CAMK2A: variants seen among roughly 807,000 people sequenced by gnomAD.
CAMK2A encodes calcium/calmodulin dependent protein kinase II alpha.
In CAMK2A, 7 loss-of-function variants were observed where a neutral mutation model predicts 79.2. That is an observed-to-expected ratio of 0.09 (90% CI 0.05 to 0.17). CAMK2A has a LOEUF of 0.17. CAMK2A is among the 10% of genes least tolerant of loss of function. CAMK2A has a pLI of 1.00. For synonymous variants in CAMK2A, 242 were observed against 251.7 expected (o/e 0.96, Z 0.36); for missense variants, 214 against 646.4 (o/e 0.33, Z 7.25).
At chr5:150,261,131 C>T (rs1030008277) in intron 3 of CAMK2A, among the ~76,000 whole-genome samples, 2 of 113,052 alleles carry the variant, frequency 1.8e-5, no homozygotes, top group African/African-American at 6.0e-5. Context: ...AGGTTTTCTC[C>T]AGAGCTGACT....
intron 15 of CAMK2A, among the ~76,000 whole-genome samples, chr5:150,235,325 C>T (rs953830316): frequency 4.6e-5 from 7 of 152,222 alleles, no homozygotes; most frequent in Non-Finnish European, 5.9e-5. Context: ...TGGGCCTCTA[C>T]TATGCCCTCA....
At chr5:150,286,757 C>T (rs988148357) in intron 1 of CAMK2A, among the ~76,000 whole-genome samples, 9 of 152,168 alleles carry the variant, frequency 5.9e-5, no homozygotes, top group Non-Finnish European at 1.0e-4. Flanking sequence ...GGGGGAAGCA[C>T]GGTTTGGTCA....
At chr5:150,243,976 C>T (rs964863701) in intron 13 of CAMK2A, among the ~76,000 whole-genome samples, 1 of 152,212 alleles carries the variant, frequency 6.6e-6, no homozygotes, top group African/African-American at 2.4e-5. Flanking sequence ...AGGTGCCTCC[C>T]CAGTCCAGTA....
chr5:150,251,153 T>C (rs1392617459), intron 9 of CAMK2A, among the ~76,000 whole-genome samples: 3 of 152,240 alleles, frequency 2.0e-5, no homozygotes, highest in South Asian at 2.1e-4. Flanking sequence ...GTAAGTCACA[T>C]GACCTCTTGA....
intron 13 of CAMK2A, among the ~76,000 whole-genome samples, chr5:150,242,415 T>C (rs1230369456): frequency 6.6e-6 from 1 of 152,302 alleles, no homozygotes; most frequent in South Asian, 2.1e-4. Flanking sequence ...TAAAGGATAA[T>C]ATAGCTTCAC....
chr5:150,231,084 GGGA>G (rs1754817694), intron 16 of CAMK2A, among the ~76,000 whole-genome samples: 1 of 152,158 alleles, frequency 6.6e-6, no homozygotes, highest in Non-Finnish European at 1.5e-5. Flanking sequence ...GAGGAAGGAT[GGGA>G]GGAGGAGGAG....
At chr5:150,265,157 C>T (rs1756458410) in intron 2 of CAMK2A, 142 bp from the exon 3 acceptor site, 1 of 675,532 alleles carries the variant, frequency 1.5e-6, no homozygotes, top group African/African-American at 1.8e-5. Flanking sequence ...GCCAGGGCCT[C>T]TGAGTTCTCC....
chr5:150,264,526 G>A (rs1413066602), intron 3 of CAMK2A, among the ~76,000 whole-genome samples: 1 of 152,218 alleles, frequency 6.6e-6, no homozygotes. Flanking sequence ...TGTGGGCCAG[G>A]GCCTGAGTTG....
chr5:150,256,783 G>A lies in CAMK2A; in HGVS notation c.321C>T (p.Tyr107=). The A allele has an allele frequency of 6.2e-7, 1 of 1,614,146 alleles. No individual in the cohort carries two copies. The change falls in exon 5 of 19, where the codon TAC becomes TAT. Residue 107 remains tyrosine, a synonymous_variant. Transcript: ENST00000671881. This position sits in a 1 kb window ranked among gnomAD's most constrained non-coding sequence, Gnocchi z 4.6. ...ACACTCACCTGGCATCCGCCTCACT[G>A]TAATACTCCCGGGCCACGATATCTT... ...LFEDIVAREY[Y]SEADASHCIQ...
At chr5:150,258,050 T>C (rs1756136254) in intron 3 of CAMK2A, among the ~76,000 whole-genome samples, 1 of 152,216 alleles carries the variant, frequency 6.6e-6, no homozygotes, top group African/African-American at 2.4e-5. Flanking sequence ...AGGCTTGTTA[T>C]GAGAGTTCCA....
At chr5:150,224,143 C>T (rs1754484259) in intron 17 of CAMK2A, among the ~76,000 whole-genome samples, 1 of 152,308 alleles carries the variant, frequency 6.6e-6, no homozygotes, top group African/African-American at 2.4e-5. Context: ...CCAGATGAAA[C>T]ATGAGGCATC....
At position 150,223,030 on chromosome 5, in the gene CAMK2A, G is replaced by A. The variant is rs912865720; in HGVS notation, c.1425C>T (p.Ile475=). Residue 475 remains isoleucine, a synonymous_variant, in exon 18 of 19, where the codon ATC becomes ATT. Transcript: ENST00000671881. This position sits in a 1 kb window ranked among gnomAD's most constrained non-coding sequence, Gnocchi z 4.1. ...VWHRRDGKWQ[I]VHFHRSGAPS... is the part of the protein sequence containing the mutation. Reference sequence around the variant, plus strand: ...GCGCCCCAGATCTGTGGAAGTGGACGATCTGCCATTTGCCATCCCGGCGGT... The same window carrying A: ...GCGCCCCAGATCTGTGGAAGTGGACAATCTGCCATTTGCCATCCCGGCGGT... 15 of 1,614,246 alleles carry A rather than the reference G, an allele frequency of 9.3e-6. No homozygotes were observed. Among genetic ancestry groups the A allele is most frequent in the Non-Finnish European group, 1.2e-5 (14 of 1,180,050 alleles).
At position 150,245,213 on chromosome 5, in the gene CAMK2A, A is replaced by T; in HGVS notation, c.944-12T>A. 1 of 1,613,074 alleles carries T rather than the reference A, an allele frequency of 6.2e-7. No individual in the cohort carries two copies. The highest frequency in any genetic ancestry group is 8.5e-7 in the Non-Finnish European group (1 of 1,179,504). On this transcript the variant is annotated splice_polypyrimidine_tract_variant and intron_variant, in intron 12 of 18. Transcript: ENST00000671881. The stretch of plus-strand genomic sequence containing the variant: ...CCCACTCTTCCCTCCTGTGGAGGAG[A>T]AAAAGTAGAGGGTTAACAACGCCAG...
intron 15 of CAMK2A, 50 bp from the exon 16 acceptor site, chr5:150,231,430 A>C (rs1233362654): frequency 5.7e-6 from 4 of 695,656 alleles, no homozygotes; most frequent in Non-Finnish European, 8.5e-6. Flanking sequence ...AATAATAATA[A>C]TAATAATAAT....
Position 150,223,390 on chromosome 5 carries a change from C to T in CAMK2A, c.1238-173G>A, listed in dbSNP as rs1241396270. Among the ~76,000 whole-genome samples, 1 of 152,196 alleles carries T rather than the reference C, an allele frequency of 6.6e-6. No individual in the cohort carries two copies. The highest frequency in any genetic ancestry group is 2.4e-5 in the African/African-American group (1 of 41,446). The stretch of plus-strand genomic sequence containing the variant: ...GCTACCTGGGATCAAGGTAGAACTT[C>T]TAGATGATGGGGACATCACATCCTA... On this transcript the variant is annotated intron_variant, in intron 17 of 18. Transcript: ENST00000671881. This position sits in a 1 kb window ranked among gnomAD's most constrained non-coding sequence, Gnocchi z 4.1.
intron 15 of CAMK2A, among the ~76,000 whole-genome samples, chr5:150,234,725 T>C (rs1754990425): frequency 6.6e-6 from 1 of 152,178 alleles, no homozygotes; most frequent in African/African-American, 2.4e-5. Flanking sequence ...GGCAGGGATA[T>C]TTCCCAGCAG....
At position 150,252,051 on chromosome 5, in the gene CAMK2A, G is replaced by C; in HGVS notation, c.529C>G (p.Pro177Ala). 6.2e-7 allele frequency: 1 copy of C among 1,613,626 alleles called. No individual in the cohort carries two copies. The highest frequency in any genetic ancestry group is 8.5e-7 in the Non-Finnish European group (1 of 1,179,652). ...AGCACTTCTGGGGAGAGATATCCAG[G>C]AGTCCCTGCAAACCCTGCTCCCAGA... ...QQAWFGFAGT[P>A]GYLSPEVLRK... Residue 177 changes from proline to alanine, a missense_variant, in exon 8 of 19, where the codon CCT (proline) becomes GCT (alanine). Physicochemically the swap from Pro to Ala is conservative, Grantham distance 27. This residue lies in a region of CAMK2A where 72 missense variants were observed against 333.9 expected (regional missense o/e 0.22). Coordinates refer to ENST00000671881, the MANE Select transcript of CAMK2A (RefSeq NM_015981.4).
intron 6 of CAMK2A, among the ~76,000 whole-genome samples, chr5:150,253,897 A>G (rs1463968754): frequency 1.3e-5 from 2 of 152,124 alleles, no homozygotes; most frequent in Admixed American, 1.3e-4. Flanking sequence ...TGCCCCTACT[A>G]TATGTCAGCT....
At chr5:150,257,415 C>T in intron 4 of CAMK2A, 148 bp downstream of exon 4, 1 of 655,094 alleles carries the variant, frequency 1.5e-6, no homozygotes, top group East Asian at 2.8e-5. Flanking sequence ...TTAGGAAAGT[C>T]AGCTTGCACT....
Sources: gnomAD v4.1 joint callset for allele counts (sites outside exome capture counted in the v4.1 genomes callset) on GRCh38, gnomAD v4.1.1 for gene constraint, gnomAD v4.1.1 regional missense constraint, Gnocchi (gnomAD v3.1) non-coding constraint, MANE v1.5 for transcripts, NCBI Gene and HGNC (gene_info 2026-07-23, HGNC 2026-07-21) for gene names.